The following YTHDC1 variants were observed in gnomAD, a reference collection of about 807,000 sequenced individuals.
YTHDC1 encodes the protein YTH N6-methyladenosine RNA binding protein C1.
A neutral mutation model predicts 107.0 loss-of-function variants in YTHDC1; 12 were observed. That is an observed-to-expected ratio of 0.11 (90% CI 0.07 to 0.18). YTHDC1 has a LOEUF of 0.18. Among genes scored for constraint, YTHDC1 ranks in the 10% least tolerant of loss-of-function variants. YTHDC1 has a pLI of 1.00. For missense variants in YTHDC1, 635 were observed against 898.8 expected, an observed-to-expected ratio of 0.71 and a Z score of 3.75; for synonymous variants, 280 against 289.5, an observed-to-expected ratio of 0.97 and a Z score of 0.33.
intron 4 of YTHDC1, among the ~76,000 whole-genome samples, chr4:68,334,793 G>A (rs1723973510): frequency 6.6e-6 from 1 of 152,070 alleles, no homozygotes; most frequent in African/African-American, 2.4e-5. Context: ...GGAGGTCGAG[G>A]CAGGCGGATC....
In YTHDC1 at chr4:68,349,837, C is replaced by T; in HGVS notation, c.-84G>A. 3.8e-6 allele frequency: 6 copies of T among 1,592,476 alleles called. No individual in the cohort carries two copies. Among genetic ancestry groups the T allele is most frequent in the Non-Finnish European group, 5.2e-6 (6 of 1,164,926 alleles). Reference sequence around the variant, plus strand: ...GGGCGCCGCAGCCGCGGCAGAAGCACGGGCCCGTCCGTCAGTCCGTCTGCC... The same window carrying T: ...GGGCGCCGCAGCCGCGGCAGAAGCATGGGCCCGTCCGTCAGTCCGTCTGCC... On this transcript the variant is annotated 5_prime_UTR_variant, in exon 1 of 17. It adds an upstream start codon to the 5' untranslated region. Coordinates refer to ENST00000344157, the MANE Select transcript of YTHDC1 (RefSeq NM_001031732.4).
Position 68,319,853 on chromosome 4 carries a change from T to C in YTHDC1, c.1684+270A>G, listed in dbSNP as rs34085855. Among the ~76,000 whole-genome samples the C allele has an allele frequency of 0.012, 1,813 of 152,244 alleles. 20 individuals carry two copies. Among genetic ancestry groups the C allele is most frequent in the Non-Finnish European group, 0.018 (1,212 of 67,966 alleles). On this transcript the variant is annotated intron_variant, in intron 12 of 16. Coordinates refer to ENST00000344157, the MANE Select transcript of YTHDC1 (RefSeq NM_001031732.4). Reference sequence around the variant, plus strand: ...ATAACTACTTTTAACCTTAAACACATGTGCAGATAAGTTTCCATTTTTGCA... The same window carrying C: ...ATAACTACTTTTAACCTTAAACACACGTGCAGATAAGTTTCCATTTTTGCA...
chr4:68,311,554 T>C lies in YTHDC1; in HGVS notation c.*2545A>G, dbSNP rs934255001. 1 of 152,228 alleles carries C rather than the reference T, an allele frequency of 6.6e-6. No individual in the cohort carries two copies. The highest frequency in any genetic ancestry group is 2.4e-5 in the African/African-American group (1 of 41,464). 9.4% of individuals were successfully genotyped at this position (152,228 alleles called of 1,614,324 possible). On this transcript the variant is annotated 3_prime_UTR_variant, in exon 17 of 17. Coordinates refer to ENST00000344157, the MANE Select transcript of YTHDC1 (RefSeq NM_001031732.4). ...TGACAAAAGCTGTCATGTGTACGAA[T>C]ATTAAATAAAACATACTGATTTTTA...
Position 68,318,571 on chromosome 4 carries a change from T to A in YTHDC1, c.1772A>T (p.Asp591Val). Reference protein sequence around the residue: ...RDVFLNGSYNDYVREFHNMGP... With the variant: ...RDVFLNGSYNVYVREFHNMGP... ...CATGTTATGAAATTCCCTCACATAATCATTGTAGGACTAAAATAAAAGATG... is the reference window on the plus strand; with the variant it reads ...CATGTTATGAAATTCCCTCACATAAACATTGTAGGACTAAAATAAAAGATG... The change falls in exon 15 of 17, where the codon GAT (aspartate) becomes GTT (valine). Residue 591 changes from aspartate to valine, a missense_variant. Coordinates refer to ENST00000344157, the MANE Select transcript of YTHDC1 (RefSeq NM_001031732.4). 6.2e-7 allele frequency: 1 copy of A among 1,613,154 alleles called. No homozygotes were observed. The highest frequency in any genetic ancestry group is 8.5e-7 in the Non-Finnish European group (1 of 1,179,600).
chr4:68,326,165 A>C (rs372759338), intron 9 of YTHDC1, among the ~76,000 whole-genome samples: 3 of 152,200 alleles, frequency 2.0e-5, no homozygotes, highest in South Asian at 4.1e-4. Flanking sequence ...TTTAAATATC[A>C]GCAATTAAAT....
In YTHDC1 at chr4:68,322,831, T is replaced by C. The variant is rs1429047946; in HGVS notation, c.1519A>G (p.Met507Val). 3.1e-6 allele frequency: 5 copies of C among 1,614,168 alleles called. No individual in the cohort carries two copies. The highest frequency in any genetic ancestry group is 2.2e-5 in the South Asian group (2 of 91,084). ...GAATGCATTCTTCTCTTGTGACGCA[T>C]TTTATGAATGACCTGATACAAGTCA... ...SIDLYQVIHK[M>V]RHKRRMHSQP... is the part of the protein sequence containing the mutation. Residue 507 changes from methionine to valine, a missense_variant, in exon 11 of 17, where the codon ATG becomes GTG. Coordinates refer to ENST00000344157, the MANE Select transcript of YTHDC1 (RefSeq NM_001031732.4). The surrounding 1 kb of genome is among the most constrained non-coding windows in gnomAD (Gnocchi z 4.8).
chr4:68,336,318 AC>A (rs1281025183), intron 4 of YTHDC1, among the ~76,000 whole-genome samples: 2 of 151,944 alleles, frequency 1.3e-5, no homozygotes, highest in African/African-American at 4.8e-5. Flanking sequence ...TCCTTGCTGT[AC>A]CCTCCCCCAA....
chr4:68,322,766 T>C lies in YTHDC1; in HGVS notation c.1584A>G (p.Pro528=). The change falls in exon 11 of 17, where the codon CCA becomes CCG. Residue 528 remains proline (P), a synonymous_variant. Coordinates refer to ENST00000344157, the MANE Select transcript of YTHDC1 (RefSeq NM_001031732.4). This position sits in a 1 kb window ranked among gnomAD's most constrained non-coding sequence, Gnocchi z 4.8. The stretch of plus-strand genomic sequence containing the variant: ...TTTCTAACCTTCCCACATCCCGGAC[T>C]GGTTCTCGACGGGATGGACGTCCTC... The part of the protein sequence containing the change: ...RSRGRPSRRE[P]VRDVGRRRPE... 6.2e-7 allele frequency: 1 copy of C among 1,614,146 alleles called. No individual in the cohort carries two copies. The highest frequency in any genetic ancestry group is 8.5e-7 in the Non-Finnish European group (1 of 1,179,976).
chr4:68,339,527 T>C (rs1291289518), intron 1 of YTHDC1, among the ~76,000 whole-genome samples: 1 of 152,206 alleles, frequency 6.6e-6, no homozygotes, highest in Non-Finnish European at 1.5e-5. Flanking sequence ...ATAACACATA[T>C]TTAAGTATTT....
chr4:68,347,963 CAA>C (rs1201122017), intron 1 of YTHDC1, among the ~76,000 whole-genome samples: 4 of 152,146 alleles, frequency 2.6e-5, no homozygotes, highest in Non-Finnish European at 2.9e-5. Context: ...GCACTTACAT[CAA>C]GTTTTTAAAT....
chr4:68,341,742 GAATATAATATACA>G (rs1434077889), intron 1 of YTHDC1, among the ~76,000 whole-genome samples: 1 of 152,006 alleles, frequency 6.6e-6, no homozygotes, highest in African/African-American at 2.4e-5. Context: ...ATATACACTG[GAATATAATATACA>G]AGGGGAAAAG....
intron 1 of YTHDC1, 96 bp downstream of exon 1, chr4:68,349,630 A>AGCCC: frequency 4.0e-4 from 61 of 153,362 alleles, no homozygotes; most frequent in South Asian, 9.3e-4. Flanking sequence ...TAACCTCCCC[A>AGCCC]ACCCCCACCC....
At chr4:68,338,183 C>A (rs1019169916) in intron 2 of YTHDC1, 100 bp downstream of exon 2, 18 of 1,333,934 alleles carry the variant, frequency 1.3e-5, no homozygotes, top group Non-Finnish European at 1.7e-5. Context: ...TTAACTGCCT[C>A]AAGGAACAAG....
chr4:68,340,651 C>A lies in YTHDC1; in HGVS notation c.29-2267G>T, dbSNP rs143059164. 4.4e-3 allele frequency among the ~76,000 whole-genome samples: 666 copies of A among 151,958 alleles called. 7 individuals are homozygous for A. The highest frequency in any genetic ancestry group is 0.015 in the African/African-American group (640 of 41,476). ...TCACTAATCAGTAAAAAAGTAGATC[C>A]AACAGGTCTTCACAGAATCAAATAC... On this transcript the variant is annotated intron_variant, in intron 1 of 16. Coordinates refer to ENST00000344157, the MANE Select transcript of YTHDC1 (RefSeq NM_001031732.4).
intron 1 of YTHDC1, among the ~76,000 whole-genome samples, chr4:68,341,003 G>C (rs1724745436): frequency 6.6e-6 from 1 of 152,036 alleles, no homozygotes; most frequent in African/African-American, 2.4e-5. Flanking sequence ...CCTTTTTCAA[G>C]ACAACAAATA....
At chr4:68,332,267 A>G (rs1723674254) in intron 6 of YTHDC1, 70 bp from the exon 7 acceptor site, 1 of 1,012,220 alleles carries the variant, frequency 9.9e-7, no homozygotes, top group African/African-American at 1.7e-5. Context: ...AAACTGTACT[A>G]ACTGAAATTA....
intron 10 of YTHDC1, among the ~76,000 whole-genome samples, chr4:68,323,865 T>C (rs1342159879): frequency 6.6e-6 from 1 of 152,202 alleles, no homozygotes; most frequent in Admixed American, 6.5e-5. Context: ...AGTGATAATA[T>C]AGTCAAAACA....
intron 9 of YTHDC1, among the ~76,000 whole-genome samples, chr4:68,329,256 C>T (rs981604280): frequency 6.6e-6 from 1 of 152,160 alleles, no homozygotes; most frequent in South Asian, 2.1e-4. Context: ...CACAACCCTG[C>T]AACCCCATAG....
intron 12 of YTHDC1, among the ~76,000 whole-genome samples, 179 bp downstream of exon 12, chr4:68,319,944 A>C (rs946114626): frequency 2.0e-5 from 3 of 152,148 alleles, no homozygotes; most frequent in Non-Finnish European, 2.9e-5. Flanking sequence ...AGACAACCTT[A>C]ACGAAGTTAA....
Sources: gnomAD v4.1 joint callset for allele counts (sites outside exome capture counted in the v4.1 genomes callset) on GRCh38, gnomAD v4.1.1 for gene constraint, Gnocchi (gnomAD v3.1) non-coding constraint, MANE v1.5 for transcripts, NCBI Gene and HGNC (gene_info 2026-07-23, HGNC 2026-07-21) for gene names.